Variants in FOLH1 observed in about 807,000 individuals in gnomAD.
FOLH1 encodes glutamate carboxypeptidase 2.
FOLH1 carries 54 observed loss-of-function variants against 93.9 expected under a neutral mutation model. That is an observed-to-expected ratio of 0.57 (90% CI 0.46 to 0.72). The LOEUF (loss-of-function observed/expected upper bound fraction) is 0.72. FOLH1 is among the 30% of genes least tolerant of loss of function. The probability of loss-of-function intolerance (pLI) is 0.00; values close to 1 mark genes in which losing one functional copy is unlikely to be tolerated. For synonymous variants in FOLH1, 249 were observed against 303.6 expected (o/e 0.82, Z 1.87); for missense variants, 571 against 892.5 (o/e 0.64, Z 4.59).
At chr11:49,180,985 G>A (rs1046416004) in intron 7 of FOLH1, among the ~76,000 whole-genome samples, 3 of 152,114 alleles carry the variant, frequency 2.0e-5, no homozygotes, top group African/African-American at 7.2e-5. Flanking sequence ...TCAGAGCACA[G>A]CTGATATTGA....
At chr11:49,199,397 A>G (rs902176160) in intron 3 of FOLH1, among the ~76,000 whole-genome samples, 15 of 152,310 alleles carry the variant, frequency 9.8e-5, no homozygotes, top group African/African-American at 3.4e-4. Flanking sequence ...TGCAAACAAG[A>G]TTGCAAATTC....
intron 11 of FOLH1, 147 bp from the exon 12 acceptor site, chr11:49,169,405 G>A (rs1858918764): frequency 1.6e-6 from 1 of 625,820 alleles, no homozygotes; most frequent in South Asian, 2.6e-5. Context: ...TCTCATAAAA[G>A]AGCTGCTTTG....
chr11:49,189,464 A>G (rs1233991683), intron 4 of FOLH1, among the ~76,000 whole-genome samples: 6 of 152,220 alleles, frequency 3.9e-5, no homozygotes, highest in Non-Finnish European at 8.8e-5. Flanking sequence ...GCAGTGCCCT[A>G]TGTAATACAA....
chr11:49,152,128 G>A (rs1248136776), intron 17 of FOLH1, among the ~76,000 whole-genome samples: 1 of 151,722 alleles, frequency 6.6e-6, no homozygotes, highest in Non-Finnish European at 1.5e-5. Flanking sequence ...TCCATTGTTA[G>A]GATTATAAAA....
chr11:49,178,866 T>C (rs942877498), intron 7 of FOLH1, among the ~76,000 whole-genome samples: 2 of 152,196 alleles, frequency 1.3e-5, no homozygotes, highest in African/African-American at 4.8e-5. Flanking sequence ...TTAATTTTGA[T>C]TTGACAATTT....
chr11:49,182,265 G>A (rs56674592), intron 7 of FOLH1, among the ~76,000 whole-genome samples: 1 of 141,988 alleles, frequency 7.0e-6, no homozygotes, highest in Admixed American at 7.5e-5. Context: ...GGAGGCGGGG[G>A]TTGCAGTGAG....
intron 3 of FOLH1, among the ~76,000 whole-genome samples, chr11:49,198,477 G>A (rs1382713960): frequency 3.0e-5 from 4 of 133,462 alleles, no homozygotes; most frequent in African/African-American, 3.3e-5. Flanking sequence ...GCGAGACTCC[G>A]TCTCAAAAAA....
At chr11:49,183,278 T>A (rs184771234) in intron 6 of FOLH1, 36 bp from the exon 7 acceptor site, 47 of 1,490,382 alleles carry the variant, frequency 3.2e-5, no homozygotes, top group Non-Finnish European at 1.9e-6. Flanking sequence ...CAGTAAAAAC[T>A]CAGTTTCATT....
intron 13 of FOLH1, chr11:49,162,866 C>T (rs567940194): frequency 1.3e-4 from 19 of 151,574 alleles, no homozygotes; most frequent in African/African-American, 3.9e-4. Context: ...ACTCCAATCG[C>T]TAGTTGCCTC....
At chr11:49,177,072 A>G (rs1374192154) in intron 7 of FOLH1, among the ~76,000 whole-genome samples, 1 of 152,218 alleles carries the variant, frequency 6.6e-6, no homozygotes, top group East Asian at 1.9e-4. Context: ...TACCTGTTTG[A>G]GGAAATATGA....
chr11:49,196,617 A>G (rs550844092), intron 3 of FOLH1, among the ~76,000 whole-genome samples: 2 of 128,848 alleles, frequency 1.6e-5, no homozygotes, highest in African/African-American at 7.0e-5. Context: ...TTATTCTAAC[A>G]TTAGAATACA....
At position 49,208,400 on chromosome 11, in the gene FOLH1, G is replaced by A. The variant is rs181802264; in HGVS notation, c.10C>T (p.Leu4Phe). The change falls in exon 1 of 19, where the codon CTC becomes TTC. Residue 4 changes from leucine to phenylalanine, a missense_variant. By Grantham distance (22) the Leu-to-Phe change is conservative. Coordinates refer to ENST00000256999, the MANE Select transcript of FOLH1 (RefSeq NM_004476.3). MWN[L>F]LHETDSAVAT... ...ACAGCCGAGTCGGTTTCGTGAAGGAGATTCCACATCTCGGCGCGAGCAGAG... is the reference window on the plus strand; with the variant it reads ...ACAGCCGAGTCGGTTTCGTGAAGGAAATTCCACATCTCGGCGCGAGCAGAG... The A allele has an allele frequency of 8.5e-4, 1,359 of 1,599,492 alleles. 2 individuals carry two copies. Among genetic ancestry groups the A allele is most frequent in the Non-Finnish European group, 1.1e-3 (1,320 of 1,170,968 alleles).
At chr11:49,160,339 G>T (rs1263104558) in intron 13 of FOLH1, among the ~76,000 whole-genome samples, 1 of 151,942 alleles carries the variant, frequency 6.6e-6, no homozygotes, top group African/African-American at 2.4e-5. Flanking sequence ...TTCAGCTGTG[G>T]TCTTGGTTAC....
rs1855749591 is a variant in FOLH1, at chr11:49,145,650, G to A, written c.*1106C>T. Among the ~76,000 whole-genome samples the A allele has an allele frequency of 1.3e-5, 2 of 152,108 alleles. No homozygotes were observed. Among genetic ancestry groups the A allele is most frequent in the Admixed American group, 1.3e-4 (2 of 15,270 alleles). Reference sequence around the variant, plus strand: ...TTTGAGCGAGGCCACAATGTGAGGGGACTCTTCATTGGCTGCTCCAAATTC... The same window carrying A: ...TTTGAGCGAGGCCACAATGTGAGGGAACTCTTCATTGGCTGCTCCAAATTC... On this transcript the variant is annotated 3_prime_UTR_variant, in exon 19 of 19. Coordinates refer to ENST00000256999, the MANE Select transcript of FOLH1 (RefSeq NM_004476.3).
In FOLH1 at chr11:49,146,332, T is replaced by C. The variant is rs1182130964; in HGVS notation, c.*424A>G. 6.6e-6 allele frequency among the ~76,000 whole-genome samples: 1 copy of C among 152,232 alleles called. No homozygotes were observed. Among genetic ancestry groups the C allele is most frequent in the Non-Finnish European group, 1.5e-5 (1 of 68,038 alleles). On this transcript the variant is annotated 3_prime_UTR_variant, in exon 19 of 19. Transcript: ENST00000256999. ...ATAGTGTGCTGAGATAGTGATCCTC[T>C]CAGCCCAGGCTGGCCAGGTAGGCCG...
chr11:49,204,749 T>C (rs1032800251), intron 2 of FOLH1, among the ~76,000 whole-genome samples: 69 of 152,336 alleles, frequency 4.5e-4, no homozygotes, highest in African/African-American at 1.6e-3. Context: ...TGCACATCTA[T>C]GCATACCTAT....
intron 4 of FOLH1, among the ~76,000 whole-genome samples, chr11:49,189,183 A>G (rs918370438): frequency 6.6e-6 from 1 of 152,198 alleles, no homozygotes; most frequent in African/African-American, 2.4e-5. Context: ...TACCATGAAA[A>G]AGCGCACAGG....
chr11:49,185,616 A>C (rs1282457467), intron 6 of FOLH1, 53 bp downstream of exon 6: 2 of 1,604,286 alleles, frequency 1.2e-6, no homozygotes, highest in Non-Finnish European at 1.7e-6. Flanking sequence ...TTCTTTAATA[A>C]AGTCTCTTTC....
chr11:49,149,543 G>T (rs984224640), intron 17 of FOLH1, among the ~76,000 whole-genome samples: 2 of 152,086 alleles, frequency 1.3e-5, no homozygotes, highest in Non-Finnish European at 2.9e-5. Context: ...CACATGGCTA[G>T]TAGTCCAAAT....
Sources: allele counts gnomAD v4.1 joint callset (sites outside exome capture counted in the v4.1 genomes callset), GRCh38; gene constraint gnomAD v4.1.1; transcripts MANE v1.5; gene names NCBI Gene and HGNC (gene_info 2026-07-23, HGNC 2026-07-21).